The following ASAP3 variants were observed in gnomAD, a reference collection of about 807,000 sequenced individuals.
ASAP3 encodes the protein arf-GAP with SH3 domain, ANK repeat and PH domain-containing protein 3.
Under a neutral mutation model 118.2 loss-of-function variants are expected in ASAP3, and 85 were observed. The ratio of observed to expected loss-of-function variants is 0.72; its 90% CI spans 0.60 to 0.86. The LOEUF (loss-of-function observed/expected upper bound fraction) is 0.86. Among genes scored for constraint, ASAP3 ranks in the 40% least tolerant of loss-of-function variants. The probability of loss-of-function intolerance (pLI) is 0.00; values close to 1 mark genes in which losing one functional copy is unlikely to be tolerated. For missense variants in ASAP3, 1,026 were observed against 1,175.0 expected (o/e 0.87, Z 1.85); for synonymous variants, 432 against 477.4 (o/e 0.90, Z 1.24).
Position 23,437,113 on chromosome 1 carries a change from C to T in ASAP3, c.1342+17G>A. 2 of 1,600,954 alleles carry T rather than the reference C, an allele frequency of 1.2e-6. No individual in the cohort carries two copies. Among genetic ancestry groups the T allele is most frequent in the Non-Finnish European group, 1.7e-6 (2 of 1,173,408 alleles). On this transcript the variant is annotated intron_variant, in intron 14 of 24. Coordinates refer to ENST00000336689, the MANE Select transcript of ASAP3 (RefSeq NM_017707.4). This position sits in a 1 kb window ranked among gnomAD's most constrained non-coding sequence, Gnocchi z 6.1. ...CTCCACTTAAGCCTCCCTCCTGCCC[C>T]GGCCCCGGGGACCGACCTGCAGCCC...
Position 23,438,712 on chromosome 1 carries a change from G to A in ASAP3, c.1102+35C>T. ...AGGTGTCTTAGAGAAGCCCTGAGCA[G>A]CTGTGGGTGGGGGAGAGGCACAGGG... On this transcript the variant is annotated intron_variant, in intron 12 of 24. Coordinates refer to ENST00000336689, the MANE Select transcript of ASAP3 (RefSeq NM_017707.4). The surrounding 1 kb of genome is among the most constrained non-coding windows in gnomAD (Gnocchi z 4.9). 6.3e-7 allele frequency: 1 copy of A among 1,599,900 alleles called. No homozygotes were observed. Among genetic ancestry groups the A allele is most frequent in the Non-Finnish European group, 8.6e-7 (1 of 1,167,256 alleles).
At chr1:23,433,801 C>T in intron 19 of ASAP3, 108 bp from the exon 20 acceptor site, 2 of 1,418,996 alleles carry the variant, frequency 1.4e-6, no homozygotes, top group Non-Finnish European at 9.6e-7. Flanking sequence ...AATCCTGGCT[C>T]TGCCATTTTC....
chr1:23,456,953 C>T (rs1418485628), intron 1 of ASAP3, among the ~76,000 whole-genome samples: 1 of 152,122 alleles, frequency 6.6e-6, no homozygotes, highest in African/African-American at 2.4e-5. Flanking sequence ...TGGGAAAGGC[C>T]AGAGATGTGA....
intron 1 of ASAP3, among the ~76,000 whole-genome samples, chr1:23,474,401 G>A (rs1011620009): frequency 6.6e-6 from 1 of 151,916 alleles, no homozygotes; most frequent in African/African-American, 2.4e-5. Flanking sequence ...TTCTCTCCTG[G>A]CTTCTGAGGC....
Position 23,437,214 on chromosome 1 carries a change from C to T in ASAP3, c.1258G>A (p.Glu420Lys), listed in dbSNP as rs1640703913. Residue 420 changes from glutamate to lysine, a missense_variant, in exon 14 of 25, where the codon GAG (glutamate) becomes AAG (lysine). Glu to Lys is a moderately conservative substitution (Grantham distance 56). Coordinates refer to ENST00000336689, the MANE Select transcript of ASAP3 (RefSeq NM_017707.4). This position sits in a 1 kb window ranked among gnomAD's most constrained non-coding sequence, Gnocchi z 6.1. ...AGCAGCTTTGTGAGGTCGTGCGGCT[C>T]CCCATCATGGCCGGCGGACCCCCAG... ...GSWGSAGHDG[E>K]PHDLTKLLIA... 6.2e-7 allele frequency: 1 copy of T among 1,602,808 alleles called. No individual in the cohort carries two copies. The highest frequency in any genetic ancestry group is 8.5e-7 in the Non-Finnish European group (1 of 1,175,080).
intron 3 of ASAP3, among the ~76,000 whole-genome samples, chr1:23,454,343 C>T (rs1357462816): frequency 6.6e-6 from 1 of 152,188 alleles, no homozygotes; most frequent in Non-Finnish European, 1.5e-5. Flanking sequence ...CCTGATACCA[C>T]ACCCAACTAA....
chr1:23,480,303 G>A (rs1338228419), intron 1 of ASAP3: 3 of 152,224 alleles, frequency 2.0e-5, no homozygotes, highest in Non-Finnish European at 2.9e-5. Flanking sequence ...GAGGGGGTGT[G>A]TCCACTAGCA....
Position 23,461,669 on chromosome 1 carries a change from C to G in ASAP3, c.130-5475G>C, listed in dbSNP as rs1232861333. On this transcript the variant is annotated intron_variant, in intron 1 of 24. Transcript: ENST00000336689. ...GAGCAAGACCCTGTCTCAAACGCAC[C>G]CCCCCACAAAAAAAAAAAACAAAAG... Among the ~76,000 whole-genome samples, 3 of 147,106 alleles carry G rather than the reference C, an allele frequency of 2.0e-5. No homozygotes were observed. In the East Asian group the frequency reaches 5.9e-4, roughly 29 times the overall value.
At chr1:23,443,168 A>G (rs1640932200) in intron 5 of ASAP3, among the ~76,000 whole-genome samples, 1 of 152,208 alleles carries the variant, frequency 6.6e-6, no homozygotes, top group Admixed American at 6.5e-5. Flanking sequence ...ATTTTCCTGG[A>G]AAGGATTTAA....
Position 23,441,170 on chromosome 1 carries a change from G to A in ASAP3, c.876C>T (p.Ile292=). 1.2e-6 allele frequency: 2 copies of A among 1,614,208 alleles called. No individual in the cohort carries two copies. The highest frequency in any genetic ancestry group is 1.7e-6 in the Non-Finnish European group (2 of 1,180,046). Residue 292 remains isoleucine (I), a synonymous_variant, in exon 10 of 25, where the codon ATC becomes ATT. Transcript: ENST00000336689. ...SRKNSGCGYS[I]HQHQGNKQFG... is the part of the protein sequence containing the mutation. ...ACTGCTTGTTGCCTTGGTGCTGGTG[G>A]ATGCTATAGCCACATCCTGAGTTCT...
At position 23,441,721 on chromosome 1, in the gene ASAP3, T is replaced by G. The variant is rs1640880962; in HGVS notation, c.681A>C (p.Gln227His). 1.2e-6 allele frequency: 2 copies of G among 1,614,116 alleles called. No individual in the cohort carries two copies. Among genetic ancestry groups the G allele is most frequent in the Non-Finnish European group, 1.7e-6 (2 of 1,180,012 alleles). ...GGCTCTGGGCAGCCTTCCAGCCATC[T>G]TGGAAAAAGCTAAGAGGTGTCAGAG... ...KFFHAQHNFF[Q>H]DGWKAAQSLF... The change falls in exon 8 of 25, where the codon CAA becomes CAC. Residue 227 changes from glutamine to histidine, a missense_variant. Gln to His is a conservative substitution (Grantham distance 24). Transcript: ENST00000336689.
rs1356377607 is a variant in ASAP3 at position 23,467,754 on chromosome 1, AC to A, written c.130-11561del. Among the ~76,000 whole-genome samples the A allele has an allele frequency of 2.6e-5, 4 of 151,888 alleles. No homozygotes were observed. The East Asian group carries it at 7.8e-4, about 30-fold the overall frequency. On this transcript the variant is annotated intron_variant, in intron 1 of 24. Transcript: ENST00000336689. ...ATCACGAGGTCAGGAGTTCAAGACC[AC>A]CCTGGTCAAGAGGGTGAAACTCCGT...
chr1:23,455,736 G>A, intron 3 of ASAP3, 145 bp downstream of exon 3: 3 of 979,524 alleles, frequency 3.1e-6, no homozygotes, highest in Non-Finnish European at 4.6e-6. Context: ...GAAGGGTCAG[G>A]GCTGGAAAGG....
At chr1:23,431,476 G>A (rs1640429124) in intron 23 of ASAP3, among the ~76,000 whole-genome samples, 1 of 152,194 alleles carries the variant, frequency 6.6e-6, no homozygotes, top group Non-Finnish European at 1.5e-5. Flanking sequence ...CATCAGCAGG[G>A]AGGATCCCTG....
At chr1:23,432,008 T>TAC in intron 22 of ASAP3, 90 bp from the exon 23 acceptor site, 1 of 970,178 alleles carries the variant, frequency 1.0e-6, no homozygotes, top group East Asian at 3.2e-5. Context: ...TCTAGGATTT[T>TAC]TTTTTTTTTT....
chr1:23,431,261 C>A, intron 23 of ASAP3, 136 bp from the exon 24 acceptor site: 1 of 811,260 alleles, frequency 1.2e-6, no homozygotes, highest in Admixed American at 2.5e-5. Flanking sequence ...CAGGCCAGGT[C>A]CATCACAGGC....
At chr1:23,477,684 A>G (rs1345673457) in intron 1 of ASAP3, among the ~76,000 whole-genome samples, 1 of 152,090 alleles carries the variant, frequency 6.6e-6, no homozygotes, top group Non-Finnish European at 1.5e-5. Flanking sequence ...TAGTACAATG[A>G]GCAACTTCTG....
intron 5 of ASAP3, among the ~76,000 whole-genome samples, chr1:23,449,830 T>C (rs926696558): frequency 6.6e-6 from 1 of 152,110 alleles, no homozygotes; most frequent in Non-Finnish European, 1.5e-5. Context: ...TATAGAAACC[T>C]AGGAAAAGCA....
intron 1 of ASAP3, among the ~76,000 whole-genome samples, chr1:23,467,951 CAAA>C (rs573411297): frequency 5.7e-5 from 3 of 52,442 alleles, no homozygotes; most frequent in Non-Finnish European, 3.8e-5. Context: ...GACTCCGTCT[CAAA>C]AAAAAAAAAA....
Sources: allele counts gnomAD v4.1 joint callset (sites outside exome capture counted in the v4.1 genomes callset), GRCh38; gene constraint gnomAD v4.1.1; non-coding constraint Gnocchi (gnomAD v3.1); transcripts MANE v1.5; gene names NCBI Gene and HGNC (gene_info 2026-07-23, HGNC 2026-07-21).